SMIM10L3: variants seen among roughly 807,000 people sequenced by gnomAD.
SMIM10L3 encodes the protein small integral membrane protein 10 like 3, also known as salivary gland specific protein SAGSIN1.
At chr7:6,336,421 C>T in the SMIM10L3 span, among the ~76,000 whole-genome samples, 2 of 152,050 alleles carry the variant, frequency 1.3e-5, no homozygotes, top group East Asian at 1.9e-4. Context: ...TGGCTCATGC[C>T]TGTAATCCCA....
chr7:6,332,465 C>A, the SMIM10L3 span, among the ~76,000 whole-genome samples: 5 of 152,124 alleles, frequency 3.3e-5, no homozygotes, highest in Admixed American at 2.0e-4. Context: ...CATATTAGTT[C>A]CCTTATTAAT....
At chr7:6,330,911 C>T in the SMIM10L3 span, 4 of 1,614,216 alleles carry the variant, frequency 2.5e-6, no homozygotes, top group Non-Finnish European at 3.4e-6. Flanking sequence ...TATGGAAGCA[C>T]TGGGCCGCCA....
chr7:6,340,656 T>C, the SMIM10L3 span, among the ~76,000 whole-genome samples: 3 of 152,072 alleles, frequency 2.0e-5, no homozygotes, highest in South Asian at 2.1e-4. Context: ...TCCCAGCACT[T>C]TGGGAGGCCG....
At chr7:6,331,939 G>A in the SMIM10L3 span, among the ~76,000 whole-genome samples, 2 of 151,412 alleles carry the variant, frequency 1.3e-5, no homozygotes, top group African/African-American at 4.8e-5. Flanking sequence ...AGAGATGAGG[G>A]TTCGCCATGT....
At chr7:6,338,259 T>C in the SMIM10L3 span, among the ~76,000 whole-genome samples, 27 of 152,328 alleles carry the variant, frequency 1.8e-4, no homozygotes, top group East Asian at 5.2e-3. Flanking sequence ...TTATGAGTTT[T>C]TTCATAGTTT....
At chr7:6,330,222 G>T in the SMIM10L3 span, 1 of 762,080 alleles carries the variant, frequency 1.3e-6, no homozygotes, top group Non-Finnish European at 2.1e-6. Flanking sequence ...AACTGGCTTT[G>T]AATTTAAACT....
chr7:6,331,525 T>C, the SMIM10L3 span, among the ~76,000 whole-genome samples: 2 of 152,060 alleles, frequency 1.3e-5, no homozygotes, highest in Non-Finnish European at 2.9e-5. Context: ...GGGCGACCAG[T>C]TGCATGCCAC....
chr7:6,342,066 A>G, the SMIM10L3 span: 2 of 152,140 alleles, frequency 1.3e-5, no homozygotes, highest in Non-Finnish European at 2.9e-5. Context: ...CACACATTCA[A>G]TGAGCAATCA....
the SMIM10L3 span, among the ~76,000 whole-genome samples, chr7:6,337,142 G>A: frequency 6.6e-6 from 1 of 151,412 alleles, no homozygotes; most frequent in South Asian, 2.1e-4. Context: ...CGCAATCTCA[G>A]CTCACTGCAG....
chr7:6,340,965 T>TAAA, the SMIM10L3 span, among the ~76,000 whole-genome samples: 11,765 of 86,946 alleles, frequency 0.14, 1,245 homozygotes, highest in East Asian at 0.5. Context: ...CTGTCTCTAC[T>TAAA]AAAAAAAAAA....
the SMIM10L3 span, among the ~76,000 whole-genome samples, chr7:6,346,886 C>G: frequency 6.6e-6 from 1 of 152,148 alleles, no homozygotes; most frequent in African/African-American, 2.4e-5. Flanking sequence ...AGGGAGCAAC[C>G]CAAGGACCGT....
At chr7:6,330,598 G>C in the SMIM10L3 span, 1 of 1,614,184 alleles carries the variant, frequency 6.2e-7, no homozygotes. Context: ...GTGCAGGCAA[G>C]CGGGTTCCAA....
the SMIM10L3 span, among the ~76,000 whole-genome samples, chr7:6,345,128 T>A: frequency 4.1e-4 from 63 of 151,988 alleles, no homozygotes; most frequent in East Asian, 9.9e-3. Context: ...TGTTGTTGTT[T>A]AATTTTAGAG....
chr7:6,331,101 G>T, the SMIM10L3 span: 1 of 1,613,268 alleles, frequency 6.2e-7, no homozygotes, highest in Non-Finnish European at 8.5e-7. Flanking sequence ...CACCTCCTCC[G>T]GCCTGCTGCA....
the SMIM10L3 span, among the ~76,000 whole-genome samples, chr7:6,337,364 T>C: frequency 1.8e-4 from 27 of 151,712 alleles, no homozygotes; most frequent in South Asian, 6.3e-4. Flanking sequence ...TCAGGTGATC[T>C]ACCCGCCTCA....
the SMIM10L3 span, among the ~76,000 whole-genome samples, chr7:6,344,013 G>C: frequency 6.6e-6 from 1 of 152,052 alleles, no homozygotes; most frequent in African/African-American, 2.4e-5. Flanking sequence ...AGCCTCCCAA[G>C]TAGCTGGGAC....
chr7:6,344,148 G>GAAA, the SMIM10L3 span, among the ~76,000 whole-genome samples: 1 of 120,172 alleles, frequency 8.3e-6, no homozygotes. Context: ...TGAAGAACAA[G>GAAA]AAAAAAAAAA....
chr7:6,338,411 T>C, the SMIM10L3 span, among the ~76,000 whole-genome samples: 1 of 152,038 alleles, frequency 6.6e-6, no homozygotes. Context: ...CAAACAAAGG[T>C]AGCTACCAAA....
chr7:6,330,356 G>A, the SMIM10L3 span: 4 of 1,590,148 alleles, frequency 2.5e-6, no homozygotes, highest in Admixed American at 7.2e-5. Context: ...TAATCTATTG[G>A]TATTGTTCTG....
Sources: allele counts gnomAD v4.1 joint callset (sites outside exome capture counted in the v4.1 genomes callset), GRCh38; gene constraint gnomAD v4.1.1; transcripts MANE v1.5; gene names NCBI Gene and HGNC (gene_info 2026-07-23, HGNC 2026-07-21).